Variants in FOXN3 observed in about 807,000 individuals in gnomAD.
FOXN3 encodes the protein forkhead box protein N3.
FOXN3 carries 7 observed loss-of-function variants against 38.4 expected under a neutral mutation model. That is an observed-to-expected ratio of 0.18 (90% CI 0.10 to 0.34). FOXN3 has a LOEUF of 0.34. Ranked by LOEUF, FOXN3 falls within the 10% of genes least tolerant of loss-of-function variation. The probability of loss-of-function intolerance (pLI) is 1.00; values close to 1 mark genes in which losing one functional copy is unlikely to be tolerated. For synonymous variants in FOXN3, 230 were observed against 242.2 expected (o/e 0.95, Z 0.47); for missense variants, 456 against 613.4 (o/e 0.74, Z 2.71).
intron 1 of FOXN3, among the ~76,000 whole-genome samples, chr14:89,550,990 A>G (rs922581926): frequency 6.6e-6 from 1 of 152,222 alleles, no homozygotes; most frequent in Non-Finnish European, 1.5e-5. Flanking sequence ...GGACGCACAC[A>G]CGAATGTTTC....
chr14:89,259,543 C>T (rs141060342), intron 4 of FOXN3, among the ~76,000 whole-genome samples: 2 of 152,248 alleles, frequency 1.3e-5, no homozygotes, highest in East Asian at 1.9e-4. Flanking sequence ...ATAATTTCTG[C>T]ACTTCCTTTA....
At chr14:89,513,690 G>A (rs189328103) in intron 1 of FOXN3, among the ~76,000 whole-genome samples, 3 of 152,256 alleles carry the variant, frequency 2.0e-5, no homozygotes, top group Admixed American at 6.5e-5. Context: ...CGCCTCCTGG[G>A]TTCAAGTGAT....
At chr14:89,528,001 G>T (rs1224226145) in intron 1 of FOXN3, among the ~76,000 whole-genome samples, 1 of 152,112 alleles carries the variant, frequency 6.6e-6, no homozygotes, top group Non-Finnish European at 1.5e-5. Context: ...AATTTAAAAA[G>T]CCTGGATCAT....
intron 2 of FOXN3, among the ~76,000 whole-genome samples, chr14:89,384,043 C>T (rs957518548): frequency 6.6e-6 from 1 of 152,158 alleles, no homozygotes; most frequent in African/African-American, 2.4e-5. Context: ...TTTCAGCCCA[C>T]TACAGTGATA....
chr14:89,489,998 C>G (rs894074265), intron 1 of FOXN3, among the ~76,000 whole-genome samples: 1 of 152,220 alleles, frequency 6.6e-6, no homozygotes, highest in South Asian at 2.1e-4. Flanking sequence ...AGGAGTAAAA[C>G]GTAATGCCAA....
At position 89,520,279 on chromosome 14, in the gene FOXN3, G is replaced by A. The variant is rs1186228471; in HGVS notation, c.-15+98749C>T. On this transcript the variant is annotated intron_variant, in intron 1 of 6. Transcript: ENST00000345097. ...AAGGTCTCGCTCTGTCACCCAGGCT[G>A]GAGTGCAAGTTGGCGCGATCACAGC... 2.6e-5 allele frequency among the ~76,000 whole-genome samples: 4 copies of A among 152,220 alleles called. No individual in the cohort carries two copies. The South Asian group carries it at 8.3e-4, about 32-fold the overall frequency.
At chr14:89,264,240 G>C (rs992981284) in intron 4 of FOXN3, among the ~76,000 whole-genome samples, 18 of 152,062 alleles carry the variant, frequency 1.2e-4, no homozygotes, top group African/African-American at 4.3e-4. Flanking sequence ...TAAAGAAAAA[G>C]GTTTAATGGG....
At chr14:89,556,658 T>C (rs1396677565) in intron 1 of FOXN3, among the ~76,000 whole-genome samples, 1 of 152,116 alleles carries the variant, frequency 6.6e-6, no homozygotes, top group Non-Finnish European at 1.5e-5. Context: ...GGGCAAAGAA[T>C]GTACCCAAAG....
At chr14:89,572,870 C>A (rs937223876) in intron 1 of FOXN3, among the ~76,000 whole-genome samples, 4 of 152,230 alleles carry the variant, frequency 2.6e-5, no homozygotes, top group African/African-American at 9.6e-5. Context: ...GCTTGGCCTT[C>A]CATGCCATGC....
At chr14:89,460,264 C>T (rs573675080) in intron 1 of FOXN3, among the ~76,000 whole-genome samples, 20 of 152,276 alleles carry the variant, frequency 1.3e-4, no homozygotes, top group African/African-American at 4.8e-4. Context: ...GAGCCAAATA[C>T]TAAGTGCTTC....
intron 2 of FOXN3, among the ~76,000 whole-genome samples, chr14:89,393,614 A>C (rs942849894): frequency 6.6e-6 from 1 of 152,246 alleles, no homozygotes; most frequent in Non-Finnish European, 1.5e-5. Flanking sequence ...CCTCAGCACC[A>C]GGGTATACAA....
At chr14:89,248,941 A>T (rs1885152501) in intron 4 of FOXN3, among the ~76,000 whole-genome samples, 3 of 152,180 alleles carry the variant, frequency 2.0e-5, no homozygotes, top group Admixed American at 2.0e-4. Context: ...AATAATACAC[A>T]AGTAAATGGT....
At position 89,414,919 on chromosome 14, in the gene FOXN3, AG is replaced by A. The variant is rs544134444; in HGVS notation, c.-15+1951del. Among the ~76,000 whole-genome samples, 19 of 152,310 alleles carry A rather than the reference AG, an allele frequency of 1.2e-4. No homozygotes were observed. In the South Asian group the frequency reaches 3.7e-3, roughly 30 times the overall value. On this transcript the variant is annotated intron_variant, in intron 1 of 5. Transcript: ENST00000557258. ...CAGTACAGACCAGGCAGGATGCTCC[AG>A]ACGTCTTGGGTTCACTCACAGGGAA...
chr14:89,360,735 TCCAGC>T lies in FOXN3; in HGVS notation c.544-9932_544-9928del, dbSNP rs1566966348. Among the ~76,000 whole-genome samples the T allele has an allele frequency of 1.8e-4, 19 of 104,928 alleles. 2 individuals are homozygous for T. Among genetic ancestry groups the T allele is most frequent in the East Asian group, 6.5e-4 (2 of 3,062 alleles). 68.8% of individuals were successfully genotyped at this position (104,928 alleles called of 152,430 possible). ...CAGCACTACCTCCACCACCACCACC[TCCAGC>T]ACCACCTCCACCACCACCTCCACCA... On this transcript the variant is annotated intron_variant, in intron 2 of 5. Coordinates refer to ENST00000557258, the MANE Select transcript of FOXN3 (RefSeq NM_005197.4).
intron 1 of FOXN3, among the ~76,000 whole-genome samples, chr14:89,429,037 G>A (rs1892104847): frequency 6.6e-6 from 1 of 152,138 alleles, no homozygotes; most frequent in Non-Finnish European, 1.5e-5. Context: ...TGTCTCCAAG[G>A]GCTCAGTGAG....
intron 2 of FOXN3, chr14:89,356,480 C>T (rs1889232003): frequency 6.6e-6 from 1 of 152,094 alleles, no homozygotes; most frequent in Non-Finnish European, 1.5e-5. Context: ...CCTTATTATG[C>T]AGATGATATT....
chr14:89,431,818 A>G (rs1412105201), intron 1 of FOXN3, among the ~76,000 whole-genome samples: 7 of 151,174 alleles, frequency 4.6e-5, no homozygotes, highest in Non-Finnish European at 3.0e-5. Context: ...GGGTTCAAGC[A>G]ATTCTCCTGC....
At chr14:89,184,892 G>A (rs1887764561) in intron 4 of FOXN3, among the ~76,000 whole-genome samples, 1 of 152,218 alleles carries the variant, frequency 6.6e-6, no homozygotes, top group Non-Finnish European at 1.5e-5. Flanking sequence ...AAGGGGTCCG[G>A]ACATGGGGAA....
intron 3 of FOXN3, among the ~76,000 whole-genome samples, chr14:89,329,904 A>AATGTCAAT (rs1235774084): frequency 6.6e-6 from 1 of 150,560 alleles, no homozygotes. Flanking sequence ...TCTGGCCCCA[A>AATGTCAAT]ATGTCAATAG....
Sources: allele counts gnomAD v4.1 joint callset (sites outside exome capture counted in the v4.1 genomes callset), GRCh38; gene constraint gnomAD v4.1.1; transcripts MANE v1.5; gene names NCBI Gene and HGNC (gene_info 2026-07-23, HGNC 2026-07-21).